The following TSEN2 variants were observed in gnomAD, a reference collection of about 807,000 sequenced individuals.
TSEN2 encodes the protein tRNA-splicing endonuclease subunit Sen2.
A neutral mutation model predicts 59.2 loss-of-function variants in TSEN2; 54 were observed. The observed-to-expected ratio is 0.91, with a 90% CI of 0.73 to 1.14. The LOEUF is 1.14. Ranked by LOEUF, TSEN2 falls within the 50% of genes most tolerant of loss-of-function variation. The pLI is 0.00. For missense variants in TSEN2, 636 were observed against 576.2 expected, an observed-to-expected ratio of 1.10 and a Z score of -1.06; for synonymous variants, 195 against 198.2, an observed-to-expected ratio of 0.98 and a Z score of 0.14.
At chr3:12,518,693 T>G (rs1231401474) in intron 7 of TSEN2, among the ~76,000 whole-genome samples, 1 of 143,198 alleles carries the variant, frequency 7.0e-6, no homozygotes. Context: ...TTGAAATAGT[T>G]TATATTCTCT....
At chr3:12,513,350 C>T (rs1242070108) in intron 6 of TSEN2, among the ~76,000 whole-genome samples, 1 of 152,150 alleles carries the variant, frequency 6.6e-6, no homozygotes, top group Non-Finnish European at 1.5e-5. Context: ...CTAAGGCCAG[C>T]CACGGTGGGT....
chr3:12,518,960 G>A (rs548710035), intron 7 of TSEN2, 99 bp from the exon 8 acceptor site: 1 of 1,225,272 alleles, frequency 8.2e-7, no homozygotes, highest in Non-Finnish European at 1.2e-6. Flanking sequence ...TTTCTTCACT[G>A]CTTCAGCTCC....
At chr3:12,492,954 C>A (rs2053372734) in intron 3 of TSEN2, among the ~76,000 whole-genome samples, 1 of 152,180 alleles carries the variant, frequency 6.6e-6, no homozygotes, top group African/African-American at 2.4e-5. Flanking sequence ...TTTCCTCAGT[C>A]CCTGGTAACC....
Position 12,503,300 on chromosome 3 carries a change from G to A in TSEN2, c.347G>A (p.Arg116His), listed in dbSNP as rs748849701. 47 of 1,614,072 alleles carry A rather than the reference G, an allele frequency of 2.9e-5. No individual in the cohort carries two copies. The highest frequency in any genetic ancestry group is 1.6e-4 in the Middle Eastern group (1 of 6,080). ...GTTGAGTGGGCAGCAGAGCTGATGCGTAGACAGGGGCAGGATGAGAGTACA... is the reference window on the plus strand; with the variant it reads ...GTTGAGTGGGCAGCAGAGCTGATGCATAGACAGGGGCAGGATGAGAGTACA... The part of the protein sequence containing the change: ...HSVEWAAELM[R>H]RQGQDESTVR... The change falls in exon 5 of 12, where the codon CGT (arginine) becomes CAT (histidine). Residue 116 changes from arginine (R) to histidine (H), a missense_variant. Coordinates refer to ENST00000284995, the MANE Select transcript of TSEN2 (RefSeq NM_025265.4).
At chr3:12,537,021 A>G (rs1168277129), downstream of TSEN2, among the ~76,000 whole-genome samples, 1 of 149,354 alleles carries the variant, frequency 6.7e-6, no homozygotes, top group Non-Finnish European at 1.5e-5. Flanking sequence ...AAAAAAAGGA[A>G]TTCGTAGCCT....
At chr3:12,505,443 TTCC>T in intron 6 of TSEN2, 1 of 540,690 alleles carries the variant, frequency 1.8e-6, no homozygotes, top group Non-Finnish European at 3.3e-6. Context: ...TTTGCAATCA[TTCC>T]ACAGAAGATT....
At chr3:12,517,860 C>A (rs2056293009) in intron 7 of TSEN2, among the ~76,000 whole-genome samples, 1 of 151,694 alleles carries the variant, frequency 6.6e-6, no homozygotes, top group Non-Finnish European at 1.5e-5. Context: ...TCAGCCTTCT[C>A]TATAAGGCTG....
chr3:12,521,229 G>C (rs1234603217), intron 8 of TSEN2, among the ~76,000 whole-genome samples: 1 of 152,154 alleles, frequency 6.6e-6, no homozygotes, highest in Non-Finnish European at 1.5e-5. Context: ...GTCTGCTGTG[G>C]GCCAGGTACT....
At chr3:12,480,528 G>GGTTTTTTTTTTTTTTTTT (rs1553565213), upstream of TSEN2, among the ~76,000 whole-genome samples, 196 of 91,742 alleles carry the variant, frequency 2.1e-3, 1 homozygote, top group South Asian at 5.0e-3. Flanking sequence ...TTGTTTCTTT[G>GGTTTTTTTTTTTTTTTTT]TTTTTTTTTT....
intron 4 of TSEN2, among the ~76,000 whole-genome samples, chr3:12,501,787 G>T (rs2054306857): frequency 6.6e-6 from 1 of 152,178 alleles, no homozygotes; most frequent in Non-Finnish European, 1.5e-5. Context: ...TGTCTTGGAT[G>T]CCTTTCAGAC....
At chr3:12,529,068 TTACA>T in intron 9 of TSEN2, 144 bp downstream of exon 9, 1 of 797,638 alleles carries the variant, frequency 1.3e-6, no homozygotes, top group Non-Finnish European at 2.2e-6. Flanking sequence ...TCATGCCTCC[TTACA>T]CACTAATGTC....
At chr3:12,509,558 T>G (rs192011204) in intron 6 of TSEN2, among the ~76,000 whole-genome samples, 1 of 152,218 alleles carries the variant, frequency 6.6e-6, no homozygotes, top group East Asian at 1.9e-4. Context: ...AAGTTCAAAG[T>G]AGATGTGTTT....
At chr3:12,499,101 A>G (rs1218244454) in intron 4 of TSEN2, among the ~76,000 whole-genome samples, 1 of 152,018 alleles carries the variant, frequency 6.6e-6, no homozygotes, top group Non-Finnish European at 1.5e-5. Flanking sequence ...TCTGATTTTT[A>G]TTTCAAGTCG....
chr3:12,481,927 A>G (rs866045238), upstream of TSEN2, among the ~76,000 whole-genome samples: 58 of 96,022 alleles, frequency 6.0e-4, no homozygotes, highest in African/African-American at 1.3e-3. Flanking sequence ...GTCTGCGTAT[A>G]TATATATATA....
chr3:12,532,632 AG>A, intron 11 of TSEN2, 29 bp from the exon 12 acceptor site: 1 of 1,613,074 alleles, frequency 6.2e-7, no homozygotes, highest in South Asian at 1.1e-5. Context: ...TTCTGTTTTA[AG>A]AAATGGTCTT....
intron 8 of TSEN2, among the ~76,000 whole-genome samples, chr3:12,519,915 C>T (rs1217341685): frequency 6.6e-6 from 1 of 152,148 alleles, no homozygotes; most frequent in Admixed American, 6.5e-5. Context: ...GAGCACTTGC[C>T]ATGTGCCAAG....
upstream of TSEN2, among the ~76,000 whole-genome samples, chr3:12,483,339 G>A (rs1324771561): frequency 6.6e-6 from 1 of 152,184 alleles, no homozygotes; most frequent in Non-Finnish European, 1.5e-5. Flanking sequence ...GAGCTGAGAT[G>A]GTGCCACTGC....
chr3:12,528,776 AT>A, intron 8 of TSEN2, 111 bp from the exon 9 acceptor site: 2 of 1,098,572 alleles, frequency 1.8e-6, no homozygotes. Context: ...ATTATTGAGT[AT>A]TTGCTTCCTT....
At chr3:12,505,027 T>C in intron 5 of TSEN2, 127 bp from the exon 6 acceptor site, 1 of 704,878 alleles carries the variant, frequency 1.4e-6, no homozygotes, top group Non-Finnish European at 2.5e-6. Context: ...AATCATTCTT[T>C]ATAATATTAA....
Sources: gnomAD v4.1 joint callset for allele counts (sites outside exome capture counted in the v4.1 genomes callset) on GRCh38, gnomAD v4.1.1 for gene constraint, MANE v1.5 for transcripts, NCBI Gene and HGNC (gene_info 2026-07-23, HGNC 2026-07-21) for gene names.